Variants in EIPR1 observed in about 807,000 individuals in gnomAD.
EIPR1 encodes the protein EARP and GARP complex-interacting protein 1.
Under a neutral mutation model 48.1 loss-of-function variants are expected in EIPR1, and 25 were observed. That is an observed-to-expected ratio of 0.52 (90% CI 0.38 to 0.73). The LOEUF (loss-of-function observed/expected upper bound fraction) is 0.73, where lower values mean the gene tolerates loss of function less well. Ranked by LOEUF, EIPR1 falls within the 30% of genes least tolerant of loss-of-function variation. The probability of loss-of-function intolerance (pLI) is 0.00; values close to 1 mark genes in which losing one functional copy is unlikely to be tolerated. For synonymous variants in EIPR1, 204 were observed against 201.9 expected (o/e 1.01, Z -0.09); for missense variants, 415 against 506.2 (o/e 0.82, Z 1.73).
chr2:3,321,377 T>G (rs4854150), intron 3 of EIPR1, among the ~76,000 whole-genome samples: 1 of 151,958 alleles, frequency 6.6e-6, no homozygotes, highest in Non-Finnish European at 1.5e-5. Flanking sequence ...GCATCTTGAG[T>G]GCAGCAGAGC....
chr2:3,297,192 G>A (rs183965529), intron 3 of EIPR1, among the ~76,000 whole-genome samples: 41 of 152,362 alleles, frequency 2.7e-4, no homozygotes, highest in African/African-American at 8.7e-4. Context: ...AGAAAGAGGC[G>A]TGTGGGACAC....
At chr2:3,299,190 G>A (rs1033530607) in intron 3 of EIPR1, among the ~76,000 whole-genome samples, 10 of 152,188 alleles carry the variant, frequency 6.6e-5, no homozygotes, top group Admixed American at 5.9e-4. Context: ...TGAGAATGTC[G>A]CTGTGTCTGT....
intron 3 of EIPR1, chr2:3,319,201 C>T (rs185218405): frequency 5.7e-4 from 190 of 331,342 alleles, no homozygotes; most frequent in Middle Eastern, 1.1e-3. Flanking sequence ...TACAACAAGG[C>T]GTATTTACAA....
chr2:3,247,555 A>T (rs1027667482), intron 4 of EIPR1, among the ~76,000 whole-genome samples: 1 of 152,206 alleles, frequency 6.6e-6, no homozygotes, highest in Non-Finnish European at 1.5e-5. Context: ...AGTTCCAGGA[A>T]ACCTCCCCTT....
chr2:3,373,755 C>T (rs865900414), intron 1 of EIPR1, among the ~76,000 whole-genome samples: 63 of 152,078 alleles, frequency 4.1e-4, no homozygotes, highest in Middle Eastern at 3.4e-3. Context: ...AAGAACATTC[C>T]ATGCTCATGG....
chr2:3,269,810 C>G (rs929344154), intron 3 of EIPR1, among the ~76,000 whole-genome samples: 5 of 152,244 alleles, frequency 3.3e-5, no homozygotes, highest in Non-Finnish European at 7.3e-5. Flanking sequence ...GAGGCACAGG[C>G]AGATGGCACA....
intron 6 of EIPR1, 71 bp downstream of exon 6, chr2:3,196,810 C>G (rs1664823941): frequency 6.4e-7 from 1 of 1,570,422 alleles, no homozygotes; most frequent in East Asian, 2.3e-5. Flanking sequence ...ACCATCAGCT[C>G]CACCATCATC....
chr2:3,200,584 G>C (rs904837557), intron 5 of EIPR1, among the ~76,000 whole-genome samples: 1 of 152,124 alleles, frequency 6.6e-6, no homozygotes, highest in Non-Finnish European at 1.5e-5. Flanking sequence ...ACACAGAGGA[G>C]GAGGTGGGAG....
At chr2:3,232,757 G>A (rs921050081) in intron 4 of EIPR1, among the ~76,000 whole-genome samples, 2 of 152,176 alleles carry the variant, frequency 1.3e-5, no homozygotes, top group Non-Finnish European at 2.9e-5. Context: ...TGAAAATTTA[G>A]TCAGCAGCCC....
At position 3,281,437 on chromosome 2, in the gene EIPR1, C is replaced by A. The variant is rs887715123; in HGVS notation, c.260-23982G>T. 2.6e-5 allele frequency among the ~76,000 whole-genome samples: 4 copies of A among 152,078 alleles called. No homozygotes were observed. The East Asian group carries it at 7.7e-4, about 29-fold the overall frequency. On this transcript the variant is annotated intron_variant, in intron 3 of 8. Transcript: ENST00000382125. ...GGGATTAGGCGCCTGGGAATACTTA[C>A]ATCTGTTTCATGAAAAGGTAAAGCA...
At chr2:3,208,587 A>G in intron 5 of EIPR1, 1 of 1,550,650 alleles carries the variant, frequency 6.4e-7, no homozygotes, top group Non-Finnish European at 8.7e-7. Context: ...TACCCTCTCC[A>G]AAGTGAGCTC....
At chr2:3,255,958 G>T (rs982859690) in intron 4 of EIPR1, among the ~76,000 whole-genome samples, 9 of 152,162 alleles carry the variant, frequency 5.9e-5, no homozygotes, top group African/African-American at 1.7e-4. Context: ...TGTGTGGTTT[G>T]CACAGAGATC....
intron 2 of EIPR1, among the ~76,000 whole-genome samples, chr2:3,344,398 G>T (rs1370956086): frequency 6.6e-6 from 1 of 152,174 alleles, no homozygotes; most frequent in Non-Finnish European, 1.5e-5. Context: ...TGAAAACACA[G>T]TTTCTACTCT....
In EIPR1 at chr2:3,209,006, G is replaced by T. The variant is rs936652656; in HGVS notation, c.516+5143C>A. Reference sequence around the variant, plus strand: ...TCATATTATCAAGGTCGCCAGAAGCGGGAACAATAGTGGAGGTGGCTGACC... The same window carrying T: ...TCATATTATCAAGGTCGCCAGAAGCTGGAACAATAGTGGAGGTGGCTGACC... On this transcript the variant is annotated intron_variant, in intron 5 of 8. Coordinates refer to ENST00000382125, the MANE Select transcript of EIPR1 (RefSeq NM_003310.5). The T allele has an allele frequency of 2.7e-6, 4 of 1,455,044 alleles. No individual in the cohort carries two copies. In the East Asian group the frequency reaches 1.0e-4, roughly 36 times the overall value. The allele number at this position is 1,455,044 out of a possible 1,614,324, so 90.1% of individuals were successfully genotyped here.
chr2:3,304,968 T>C (rs112737734), intron 3 of EIPR1, among the ~76,000 whole-genome samples: 2,787 of 25,548 alleles, frequency 0.11, 4 homozygotes, highest in Middle Eastern at 0.14. Context: ...CCAGTTCAAC[T>C]CTCCACTCCC....
chr2:3,219,644 A>T (rs1271641735), intron 4 of EIPR1, among the ~76,000 whole-genome samples: 4 of 132,762 alleles, frequency 3.0e-5, no homozygotes, highest in Non-Finnish European at 6.3e-5. Context: ...ACTCAACATG[A>T]CCCTGGTATA....
chr2:3,256,406 G>A (rs752353605), intron 4 of EIPR1, among the ~76,000 whole-genome samples: 5 of 152,172 alleles, frequency 3.3e-5, no homozygotes, highest in Admixed American at 2.0e-4. Flanking sequence ...GGGTCTCCCC[G>A]TGGAGATCAT....
intron 4 of EIPR1, among the ~76,000 whole-genome samples, chr2:3,253,923 C>G (rs1667077381): frequency 6.6e-6 from 1 of 152,168 alleles, no homozygotes. Context: ...TGCCTCTAGT[C>G]TGCAGGGAGC....
chr2:3,270,410 T>C (rs1667670739), intron 3 of EIPR1, among the ~76,000 whole-genome samples: 1 of 152,244 alleles, frequency 6.6e-6, no homozygotes, highest in Non-Finnish European at 1.5e-5. Context: ...TGCGTCTCCA[T>C]GCGGCGGTGG....
Sources: gnomAD v4.1 joint callset for allele counts (sites outside exome capture counted in the v4.1 genomes callset) on GRCh38, gnomAD v4.1.1 for gene constraint, MANE v1.5 for transcripts, NCBI Gene and HGNC (gene_info 2026-07-23, HGNC 2026-07-21) for gene names.